The following KLF8 variants were observed in gnomAD, a reference collection of about 807,000 sequenced individuals.
The protein encoded by KLF8 is Krueppel-like factor 8.
A neutral mutation model predicts 18.2 loss-of-function variants in KLF8; 10 were observed. The ratio of observed to expected loss-of-function variants is 0.55; its 90% CI spans 0.34 to 0.93. The LOEUF (loss-of-function observed/expected upper bound fraction) is 0.93. Among genes scored for constraint, KLF8 ranks in the 40% least tolerant of loss-of-function variants. The pLI is 0.02. For missense variants in KLF8, 264 were observed against 277.9 expected, an observed-to-expected ratio of 0.95 and a Z score of 0.36; for synonymous variants, 109 against 97.3, an observed-to-expected ratio of 1.12 and a Z score of -0.71.
the KLF8 span, among the ~76,000 whole-genome samples, chrX:56,161,504 T>C: frequency 8.9e-6 from 1 of 111,940 alleles, no homozygotes. Context: ...TCTTCTCACT[T>C]CATTTCATTC....
the KLF8 span, among the ~76,000 whole-genome samples, chrX:55,960,209 C>T: frequency 8.9e-6 from 1 of 112,346 alleles, no homozygotes; most frequent in Admixed American, 9.4e-5. Context: ...TTCAGTACCA[C>T]AAAACTTGCC....
chrX:56,012,498 G>A, the KLF8 span, among the ~76,000 whole-genome samples: 1 of 111,954 alleles, frequency 8.9e-6, no homozygotes, highest in Non-Finnish European at 1.9e-5. Context: ...CATACTTAAT[G>A]AACAATAGCT....
the KLF8 span, among the ~76,000 whole-genome samples, chrX:55,957,372 G>T: frequency 8.9e-6 from 1 of 111,760 alleles, no homozygotes; most frequent in Non-Finnish European, 1.9e-5. Context: ...TGACTATTCA[G>T]GGTCCCTTGA....
At chrX:56,259,522 AG>A (rs2066855074) in intron 2 of KLF8, among the ~76,000 whole-genome samples, 1 of 110,290 alleles carries the variant, frequency 9.1e-6, no homozygotes, top group African/African-American at 3.3e-5. Context: ...TACTTTTCTT[AG>A]GGTTCAAATT....
the KLF8 span, among the ~76,000 whole-genome samples, chrX:56,147,835 C>T: frequency 5.4e-5 from 6 of 111,692 alleles, no homozygotes; most frequent in East Asian, 1.1e-3. Context: ...AAAAATTGAC[C>T]GGCAAGGTGG....
the KLF8 span, among the ~76,000 whole-genome samples, chrX:56,083,918 T>C: frequency 9.0e-6 from 1 of 111,698 alleles, no homozygotes; most frequent in Non-Finnish European, 1.9e-5. Flanking sequence ...AAAATTGTCT[T>C]CCAGGAAACT....
the KLF8 span, among the ~76,000 whole-genome samples, chrX:56,197,869 A>G: frequency 4.5e-5 from 5 of 112,107 alleles, no homozygotes; most frequent in Non-Finnish European, 7.5e-5. Context: ...ATCCAGCAGC[A>G]CATCAAAAAG....
At chrX:56,106,226 G>A in the KLF8 span, among the ~76,000 whole-genome samples, 1 of 111,133 alleles carries the variant, frequency 9.0e-6, no homozygotes, top group African/African-American at 3.3e-5. Context: ...GTATCTTTGT[G>A]GCATTCTATG....
At chrX:55,986,343 T>C in the KLF8 span, among the ~76,000 whole-genome samples, 1 of 112,321 alleles carries the variant, frequency 8.9e-6, no homozygotes, top group Non-Finnish European at 1.9e-5. Context: ...GTTTTTAACA[T>C]GAATAGATGT....
chrX:55,956,743 G>A, the KLF8 span, among the ~76,000 whole-genome samples: 4 of 111,701 alleles, frequency 3.6e-5, no homozygotes, highest in Admixed American at 3.8e-4. Flanking sequence ...TTGCCCATTT[G>A]TATTTCACAT....
At chrX:55,957,419 C>A in the KLF8 span, among the ~76,000 whole-genome samples, 1 of 111,874 alleles carries the variant, frequency 8.9e-6, no homozygotes. Context: ...TTTTCTATTT[C>A]TGCAAAAACT....
At chrX:56,147,752 GT>G in the KLF8 span, among the ~76,000 whole-genome samples, 1 of 112,309 alleles carries the variant, frequency 8.9e-6, no homozygotes, top group Non-Finnish European at 1.9e-5. Context: ...ACCGAGGTGG[GT>G]GGATCACATG....
the KLF8 span, among the ~76,000 whole-genome samples, chrX:56,180,642 C>T: frequency 6.4e-5 from 7 of 110,086 alleles, no homozygotes; most frequent in South Asian, 1.6e-3. Flanking sequence ...AATGTGTCCC[C>T]GAGATTGTGG....
Position 56,285,717 on chromosome X carries a change from A to G in KLF8, c.*1223A>G, listed in dbSNP as rs2067261073. 8.9e-6 allele frequency: 1 copy of G among 111,800 alleles called. No individual in the cohort carries two copies. Among genetic ancestry groups the G allele is most frequent in the Admixed American group, 9.5e-5 (1 of 10,510 alleles). The allele number at this position is 111,800 out of a possible 1,213,427, so 9.2% of individuals were successfully genotyped here. ...TAAGCCATTTATTTTAGCTGATAGC[A>G]GATTGCATAATATACTCATTTAGCT... On this transcript the variant is annotated 3_prime_UTR_variant, in exon 6 of 6. Coordinates refer to ENST00000468660, the MANE Select transcript of KLF8 (RefSeq NM_007250.5).
the KLF8 span, among the ~76,000 whole-genome samples, chrX:56,172,058 T>G: frequency 2.7e-5 from 3 of 111,244 alleles, no homozygotes; most frequent in African/African-American, 9.8e-5. Flanking sequence ...TTTTAATGAT[T>G]GCCATTCTAA....
At chrX:56,196,985 C>T in the KLF8 span, among the ~76,000 whole-genome samples, 1 of 112,008 alleles carries the variant, frequency 8.9e-6, no homozygotes, top group Non-Finnish European at 1.9e-5. Flanking sequence ...CAACCTGCTC[C>T]TGAATGACTA....
the KLF8 span, among the ~76,000 whole-genome samples, chrX:56,108,777 TTG>T: frequency 8.9e-6 from 1 of 111,851 alleles, no homozygotes; most frequent in African/African-American, 3.2e-5. Flanking sequence ...GAGTGAAAAG[TTG>T]TGTTATTGAT....
the KLF8 span, among the ~76,000 whole-genome samples, chrX:55,986,698 T>A: frequency 3.6e-5 from 4 of 112,253 alleles, no homozygotes; most frequent in Non-Finnish European, 7.5e-5. Flanking sequence ...ATTTGATTTT[T>A]TCAACTTTTA....
the KLF8 span, among the ~76,000 whole-genome samples, chrX:55,989,663 CTTTT>C: frequency 4.5e-5 from 5 of 110,464 alleles, no homozygotes; most frequent in African/African-American, 1.7e-4. Context: ...CTAAAATTCT[CTTTT>C]TTTTGTTGTA....
Sources: gnomAD v4.1 joint callset for allele counts (sites outside exome capture counted in the v4.1 genomes callset) on GRCh38, gnomAD v4.1.1 for gene constraint, MANE v1.5 for transcripts, NCBI Gene and HGNC (gene_info 2026-07-23, HGNC 2026-07-21) for gene names.